Variants in SLC35F1 observed in about 807,000 individuals in gnomAD.
SLC35F1 encodes chromosome 6 open reading frame 169.
In SLC35F1, 14 loss-of-function variants were observed where a neutral mutation model predicts 48.7. That is an observed-to-expected ratio of 0.29 (90% CI 0.19 to 0.45). The LOEUF is 0.45. SLC35F1 is among the 20% of genes least tolerant of loss of function. The pLI, the probability that SLC35F1 is intolerant of heterozygous loss-of-function variation, is 1.00. For missense variants in SLC35F1, 404 were observed against 500.0 expected, an observed-to-expected ratio of 0.81 and a Z score of 1.83; for synonymous variants, 190 against 202.2, an observed-to-expected ratio of 0.94 and a Z score of 0.51.
At chr6:118,313,782 G>A (rs933982793) in intron 7 of SLC35F1, among the ~76,000 whole-genome samples, 1 of 152,094 alleles carries the variant, frequency 6.6e-6, no homozygotes, top group African/African-American at 2.4e-5. Context: ...CCTCAGATTG[G>A]CACTTTAGAG....
At chr6:117,920,939 A>C (rs1775890047) in intron 1 of SLC35F1, among the ~76,000 whole-genome samples, 1 of 152,098 alleles carries the variant, frequency 6.6e-6, no homozygotes, top group Admixed American at 6.5e-5. Flanking sequence ...TAAATATAAC[A>C]TATATAATGT....
Position 118,314,424 on chromosome 6 carries a change from C to T in SLC35F1, c.*172C>T. The T allele has an allele frequency of 1.6e-6, 1 of 621,030 alleles. No individual in the cohort carries two copies. 38.5% of individuals were successfully genotyped at this position (621,030 alleles called of 1,614,324 possible). ...GGAACAAGCTCAACATCACTGGAGA[C>T]ACAGGCTCTAATCCACCTGACTTGG... On this transcript the variant is annotated 3_prime_UTR_variant, in exon 8 of 8. Transcript: ENST00000360388.
intron 1 of SLC35F1, among the ~76,000 whole-genome samples, chr6:118,022,852 G>A (rs1238201512): frequency 1.3e-5 from 2 of 150,878 alleles, no homozygotes; most frequent in African/African-American, 2.4e-5. Flanking sequence ...CTGGGTTCGC[G>A]CCATTCTCCT....
intron 3 of SLC35F1, among the ~76,000 whole-genome samples, chr6:118,251,781 T>C (rs1479092767): frequency 6.6e-6 from 1 of 152,142 alleles, no homozygotes; most frequent in Non-Finnish European, 1.5e-5. Context: ...GTGTATTTGT[T>C]CAGGGCTCAG....
intron 1 of SLC35F1, among the ~76,000 whole-genome samples, chr6:117,968,830 T>C (rs1203736210): frequency 1.3e-5 from 2 of 152,192 alleles, no homozygotes; most frequent in South Asian, 2.1e-4. Context: ...CTGGTGCACA[T>C]AGAGATTTGA....
intron 1 of SLC35F1, among the ~76,000 whole-genome samples, chr6:118,008,218 C>T (rs1003551742): frequency 6.6e-6 from 1 of 151,906 alleles, no homozygotes; most frequent in Admixed American, 6.6e-5. Flanking sequence ...ATATGTGCCC[C>T]CAAAATATGT....
chr6:117,921,901 G>A (rs1218970953), intron 1 of SLC35F1, among the ~76,000 whole-genome samples: 17 of 152,166 alleles, frequency 1.1e-4, no homozygotes, highest in Admixed American at 8.5e-4. Context: ...GGGAATGTAG[G>A]TAGAATAAAC....
chr6:118,005,699 A>G (rs116628909), intron 1 of SLC35F1, among the ~76,000 whole-genome samples: 1,567 of 152,232 alleles, frequency 0.01, 24 homozygotes, highest in African/African-American at 0.036. Flanking sequence ...TTTCCCCCCA[A>G]TACAATAAAT....
chr6:118,104,077 C>A lies in SLC35F1; in HGVS notation c.174-50368C>A, dbSNP rs115628817. 8.7e-3 allele frequency among the ~76,000 whole-genome samples: 1,320 copies of A among 151,706 alleles called. 16 individuals carry two copies. Among genetic ancestry groups the A allele is most frequent in the African/African-American group, 0.03 (1,249 of 41,378 alleles). ...CTCAGAAATATGCCAGGTTTTTCTT[C>A]TTCCTTCATTTCTTCCCTCCCCTTC... On this transcript the variant is annotated intron_variant, in intron 1 of 7. Transcript: ENST00000360388.
At chr6:118,122,992 C>T (rs1008355313) in intron 1 of SLC35F1, among the ~76,000 whole-genome samples, 1 of 152,114 alleles carries the variant, frequency 6.6e-6, no homozygotes, top group Non-Finnish European at 1.5e-5. Context: ...AGACAGCTAG[C>T]TGGCAGCAGC....
Position 118,092,769 on chromosome 6 carries a change from A to G in SLC35F1, c.174-61676A>G, listed in dbSNP as rs1270907746. On this transcript the variant is annotated intron_variant, in intron 1 of 7. Transcript: ENST00000360388. ...AACTTTAAGGATTAATGACTGCCCT[A>G]CTGGATTTCAGACTTGCATAGGGCC... is the stretch of plus-strand genomic sequence containing the variant. Among the ~76,000 whole-genome samples, 3 of 152,166 alleles carry G rather than the reference A, an allele frequency of 2.0e-5. No homozygotes were observed. In the East Asian group the frequency reaches 5.8e-4, roughly 29 times the overall value.
intron 1 of SLC35F1, among the ~76,000 whole-genome samples, chr6:118,003,180 A>G (rs1777128051): frequency 6.6e-6 from 1 of 152,238 alleles, no homozygotes; most frequent in Non-Finnish European, 1.5e-5. Flanking sequence ...AGTTCAGGAT[A>G]TGTGGGCTCT....
At chr6:118,182,746 G>A (rs920022543) in intron 2 of SLC35F1, among the ~76,000 whole-genome samples, 5 of 151,880 alleles carry the variant, frequency 3.3e-5, no homozygotes, top group Non-Finnish European at 7.4e-5. Context: ...ACAAGGTAAT[G>A]GATGTGGATG....
At chr6:118,291,607 C>G (rs429084) in intron 7 of SLC35F1, among the ~76,000 whole-genome samples, 9,397 of 152,152 alleles carry the variant, frequency 0.062, 345 homozygotes, top group South Asian at 0.098. Context: ...TGAAAGGAAC[C>G]AAGTTAATGC....
chr6:118,132,558 G>A (rs936517406), intron 1 of SLC35F1, among the ~76,000 whole-genome samples: 10 of 152,156 alleles, frequency 6.6e-5, no homozygotes, highest in African/African-American at 2.4e-4. Context: ...TCCGTGGAAA[G>A]CCTTTAGAGT....
chr6:118,169,217 A>C (rs770481260), intron 2 of SLC35F1, among the ~76,000 whole-genome samples: 1 of 152,202 alleles, frequency 6.6e-6, no homozygotes, highest in East Asian at 1.9e-4. Flanking sequence ...TGTAGCAATG[A>C]TCACTCCTTT....
At chr6:118,212,775 GA>G in intron 2 of SLC35F1, among the ~76,000 whole-genome samples, 1 of 148,830 alleles carries the variant, frequency 6.7e-6, no homozygotes, top group South Asian at 2.2e-4. Context: ...AGGAAGGAAG[GA>G]AGGAAGGAAG....
chr6:118,297,630 A>ATATATAT (rs1554245924), intron 7 of SLC35F1, among the ~76,000 whole-genome samples: 107 of 129,928 alleles, frequency 8.2e-4, no homozygotes, highest in African/African-American at 1.8e-3. Flanking sequence ...ACTTATATAT[A>ATATATAT]TATATATAAA....
rs371189647 is a variant in SLC35F1 at position 117,942,928 on chromosome 6, C to G, written c.173+35029C>G. Among the ~76,000 whole-genome samples the G allele has an allele frequency of 1.1e-4, 17 of 152,228 alleles. No homozygotes were observed. The East Asian group carries it at 2.3e-3, about 21-fold the overall frequency. On this transcript the variant is annotated intron_variant, in intron 1 of 7. Coordinates refer to ENST00000360388, the MANE Select transcript of SLC35F1 (RefSeq NM_001029858.4). ...AACAGCCTGTAGTTTTTATTTATTTCTTACCCAAGCCCTGAGACAATTATG... is the reference window on the plus strand; with the variant it reads ...AACAGCCTGTAGTTTTTATTTATTTGTTACCCAAGCCCTGAGACAATTATG...
Sources: gnomAD v4.1 joint callset for allele counts (sites outside exome capture counted in the v4.1 genomes callset) on GRCh38, gnomAD v4.1.1 for gene constraint, MANE v1.5 for transcripts, NCBI Gene and HGNC (gene_info 2026-07-23, HGNC 2026-07-21) for gene names.